The following COQ4 variants were observed in gnomAD, a reference collection of about 807,000 sequenced individuals.
The protein encoded by COQ4 is coenzyme Q4.
A neutral mutation model predicts 30.2 loss-of-function variants in COQ4; 36 were observed. The observed-to-expected ratio is 1.19, with a 90% CI of 0.91 to 1.57. The LOEUF (loss-of-function observed/expected upper bound fraction) is 1.57, where lower values mean the gene tolerates loss of function less well. COQ4 is among the 40% of genes most tolerant of loss of function. The pLI is 0.00. For synonymous variants in COQ4, 197 were observed against 161.0 expected, an observed-to-expected ratio of 1.22 and a Z score of -1.69; for missense variants, 369 against 371.9, an observed-to-expected ratio of 0.99 and a Z score of 0.07.
chr9:128,328,489 G>A (rs1057173201), intron 4 of COQ4, among the ~76,000 whole-genome samples: 3 of 152,174 alleles, frequency 2.0e-5, no homozygotes, highest in South Asian at 2.1e-4. Context: ...TTGTGGGGGC[G>A]GTCCTGAGCC....
At chr9:128,333,371 C>T (rs1002484029) in intron 6 of COQ4, 103 bp from the exon 7 acceptor site, 10 of 1,060,226 alleles carry the variant, frequency 9.4e-6, no homozygotes, top group African/African-American at 6.5e-5. Context: ...TACCTCCTTC[C>T]GAGGCCTTTG....
rs2131237101 is a variant in COQ4, at chr9:128,333,643, T to C, written c.796T>C (p.Ter266ArgextTer24). 6.5e-7 allele frequency: 1 copy of C among 1,539,276 alleles called. No individual in the cohort carries two copies. Residue 266 changes from the stop codon to arginine (R), a stop_lost, in exon 7 of 7, where the codon TGA becomes CGA. Transcript: ENST00000300452. ...APPMHVQGLA[*>R] ...ACCCATGCACGTCCAGGGCTTGGCCTGAGCTCCTGAGCCAGCGGGGCCTGG... is the reference window on the plus strand; with the variant it reads ...ACCCATGCACGTCCAGGGCTTGGCCCGAGCTCCTGAGCCAGCGGGGCCTGG...
intron 4 of COQ4, 57 bp downstream of exon 4, chr9:128,325,938 C>A: frequency 7.0e-7 from 1 of 1,425,238 alleles, no homozygotes; most frequent in Non-Finnish European, 9.9e-7. Context: ...AGGAATAGCA[C>A]AGGCATGACA....
intron 4 of COQ4, among the ~76,000 whole-genome samples, chr9:128,329,768 C>G (rs1264765150): frequency 6.6e-6 from 1 of 152,184 alleles, no homozygotes; most frequent in Non-Finnish European, 1.5e-5. Context: ...TAGGTGCCGG[C>G]ACCTGGTGGA....
At chr9:128,326,142 C>G (rs1441602165) in intron 4 of COQ4, 1 of 572,220 alleles carries the variant, frequency 1.7e-6, no homozygotes, top group Admixed American at 3.3e-5. Flanking sequence ...GCTGAATCCC[C>G]CCACAACTCT....
intron 4 of COQ4, among the ~76,000 whole-genome samples, chr9:128,329,899 A>T (rs1239351699): frequency 6.6e-6 from 1 of 152,184 alleles, no homozygotes; most frequent in Non-Finnish European, 1.5e-5. Flanking sequence ...TGGGCAGTTA[A>T]GAGGAGAAGA....
rs1190667742 is a variant in COQ4 at position 128,330,381 on chromosome 9, A to AT, written c.403-1772_403-1771insT. On this transcript the variant is annotated intron_variant, in intron 4 of 6. Coordinates refer to ENST00000300452, the MANE Select transcript of COQ4 (RefSeq NM_016035.5). ...GAGTGAGACTCCATCTCAAAAAATAAAAATAAAAATAAATAAATAAAATGT... is the reference window on the plus strand; with the variant it reads ...GAGTGAGACTCCATCTCAAAAAATAATAAATAAAAATAAATAAATAAAATGT... 3.3e-5 allele frequency: 5 copies of AT among 152,186 alleles called. No individual in the cohort carries two copies. In the East Asian group the frequency reaches 9.7e-4, roughly 29 times the overall value. 9.4% of individuals were successfully genotyped at this position (152,186 alleles called of 1,614,324 possible).
chr9:128,330,202 C>T (rs1204939495), intron 4 of COQ4, among the ~76,000 whole-genome samples: 1 of 144,874 alleles, frequency 6.9e-6, no homozygotes, highest in South Asian at 2.2e-4. Flanking sequence ...AACCCTGTCT[C>T]TACTAAAAAA....
intron 5 of COQ4, 107 bp from the exon 6 acceptor site, chr9:128,332,743 C>T: frequency 1.1e-5 from 10 of 891,134 alleles, no homozygotes; most frequent in Non-Finnish European, 1.1e-5. Flanking sequence ...CACAGCTGAC[C>T]CCGTAGAGAT....
At chr9:128,325,095 CTTACCT>C in intron 2 of COQ4, 42 bp from the exon 3 acceptor site, 1 of 1,395,306 alleles carries the variant, frequency 7.2e-7, no homozygotes, top group Non-Finnish European at 1.0e-6. Context: ...GGTCAGCTAA[CTTACCT>C]AAGATGACAT....
At chr9:128,323,375 A>C in intron 2 of COQ4, 1 of 559,478 alleles carries the variant, frequency 1.8e-6, no homozygotes, top group Non-Finnish European at 3.1e-6. Flanking sequence ...TCTTTAAACT[A>C]CTTGGGAGAA....
intron 4 of COQ4, chr9:128,330,901 G>A (rs902103848): frequency 2.0e-5 from 3 of 149,254 alleles, no homozygotes; most frequent in African/African-American, 5.0e-5. Context: ...GCAGTGGCGC[G>A]ATCTCGGCTC....
chr9:128,327,632 T>C (rs1588540564), intron 4 of COQ4, among the ~76,000 whole-genome samples: 1 of 152,016 alleles, frequency 6.6e-6, no homozygotes, highest in Non-Finnish European at 1.5e-5. Flanking sequence ...AAACCCTGTC[T>C]CTGCAAAAAA....
Position 128,322,879 on chromosome 9 carries a change from T to A in COQ4, c.21T>A (p.Pro7=), listed in dbSNP as rs1039189969. The change falls in exon 1 of 7, where the codon CCT becomes CCA. Residue 7 remains proline (P), a synonymous_variant. Transcript: ENST00000300452. MATLLR[P]VLRRLCGLPG... ...CTGCCATGGCGACTCTGCTGCGCCC[T>A]GTCCTCCGTCGGCTCTGCGGGCTCC... The A allele has an allele frequency of 2.5e-6, 4 of 1,584,636 alleles. No individual in the cohort carries two copies. Among genetic ancestry groups the A allele is most frequent in the Non-Finnish European group, 3.4e-6 (4 of 1,169,388 alleles).
At position 128,327,763 on chromosome 9, in the gene COQ4, C is replaced by T. The variant is rs111553970; in HGVS notation, c.402+1882C>T. On this transcript the variant is annotated intron_variant, in intron 4 of 6. Coordinates refer to ENST00000300452, the MANE Select transcript of COQ4 (RefSeq NM_016035.5). ...AGGGCGGTGAGCCGTAATCACACCA[C>T]TACACTCCAGCTTGGACAACAGAGC... Among the ~76,000 whole-genome samples the T allele has an allele frequency of 1.2e-3, 187 of 152,294 alleles. 1 individual carries two copies. Among genetic ancestry groups the T allele is most frequent in the Middle Eastern group, 6.8e-3 (2 of 294 alleles).
chr9:128,333,565 C>T lies in COQ4; in HGVS notation c.718C>T (p.Arg240Cys), dbSNP rs143441644. The T allele has an allele frequency of 9.2e-5, 148 of 1,610,312 alleles. No individual in the cohort carries two copies. The highest frequency in any genetic ancestry group is 1.0e-4 in the Admixed American group (6 of 59,594). Residue 240 changes from arginine (R) to cysteine (C), a missense_variant, in exon 7 of 7, where the codon CGC becomes TGC. Coordinates refer to ENST00000300452, the MANE Select transcript of COQ4 (RefSeq NM_016035.5). Reference protein sequence around the residue: ...PCVLNLYYERRWEQSLRALRE... With the variant: ...PCVLNLYYERCWEQSLRALRE... ...TGTCCTCAACCTGTACTATGAGCGG[C>T]GCTGGGAGCAGTCCCTGAGGGCTCT...
chr9:128,322,917 G>C lies in COQ4; in HGVS notation c.59G>C (p.Arg20Pro), dbSNP rs9697215. 1 of 1,599,474 alleles carries C rather than the reference G, an allele frequency of 6.3e-7. No individual in the cohort carries two copies. The highest frequency in any genetic ancestry group is 8.5e-7 in the Non-Finnish European group (1 of 1,177,254). The stretch of plus-strand genomic sequence containing the variant: ...CTCTGCGGGCTCCCGGGCCTACAGC[G>C]GCCTGCGGCAGGCAAGTGGCGCCGG... ...RRLCGLPGLQ[R>P]PAAEMPLRAR... The change falls in exon 1 of 7, where the codon CGG (arginine) becomes CCG (proline). Residue 20 changes from arginine to proline, a missense_variant. By Grantham distance (103) the Arg-to-Pro change is moderately radical (BLOSUM62 -2). Transcript: ENST00000300452.
chr9:128,325,365 A>T, intron 3 of COQ4, 126 bp downstream of exon 3: 1 of 684,690 alleles, frequency 1.5e-6, no homozygotes, highest in Non-Finnish European at 2.5e-6. Context: ...ATGGTTGCAC[A>T]GGCTGGGCAC....
chr9:128,333,157 C>T (rs534821656), intron 6 of COQ4, among the ~76,000 whole-genome samples: 11 of 152,296 alleles, frequency 7.2e-5, no homozygotes, highest in Admixed American at 4.6e-4. Context: ...GTACATTTCA[C>T]AGGACTCTGG....
Sources: allele counts gnomAD v4.1 joint callset (sites outside exome capture counted in the v4.1 genomes callset), GRCh38; gene constraint gnomAD v4.1.1; transcripts MANE v1.5; gene names NCBI Gene and HGNC (gene_info 2026-07-23, HGNC 2026-07-21).